Variants in ANKRD17 observed in about 807,000 individuals in gnomAD.
ANKRD17 encodes the protein ankyrin repeat domain 17, also known as ankyrin repeat domain-containing protein 17.
ANKRD17 carries 19 observed loss-of-function variants against 229.7 expected under a neutral mutation model. That is an observed-to-expected ratio of 0.08 (90% CI 0.06 to 0.12). The LOEUF is 0.12. Among genes scored for constraint, ANKRD17 ranks in the 10% least tolerant of loss-of-function variants. The probability of loss-of-function intolerance (pLI) is 1.00; values close to 1 mark genes in which losing one functional copy is unlikely to be tolerated. For synonymous variants in ANKRD17, 1,112 were observed against 1,146.1 expected, an observed-to-expected ratio of 0.97 and a Z score of 0.60; for missense variants, 2,176 against 3,176.8, an observed-to-expected ratio of 0.68 and a Z score of 7.57.
chr4:73,199,946 C>T (rs1738428207), intron 1 of ANKRD17, among the ~76,000 whole-genome samples: 1 of 152,054 alleles, frequency 6.6e-6, no homozygotes, highest in South Asian at 2.1e-4. Context: ...TTTTATCCAG[C>T]TCAAATTTCA....
chr4:73,158,152 AAAAGAAAGAAAGAAAGAAAG>A (rs71215492), intron 3 of ANKRD17, among the ~76,000 whole-genome samples: 1 of 128,708 alleles, frequency 7.8e-6, no homozygotes, highest in African/African-American at 2.9e-5. Context: ...GAAAGGAAGA[AAAAGAAAGAAAGAAAGAAAG>A]AAAGAAAGAA....
chr4:73,155,302 C>T (rs1279565476), intron 5 of ANKRD17, among the ~76,000 whole-genome samples: 1 of 152,134 alleles, frequency 6.6e-6, no homozygotes, highest in African/African-American at 2.4e-5. Flanking sequence ...CCTATCTTCC[C>T]ATTCCTCTCC....
In ANKRD17 at chr4:73,136,980, GTT is replaced by G. The variant is rs33966935; in HGVS notation, c.3086-1717_3086-1716del. 6.1e-3 allele frequency among the ~76,000 whole-genome samples: 798 copies of G among 131,184 alleles called. 9 individuals are homozygous for G. Among genetic ancestry groups the G allele is most frequent in the African/African-American group, 0.016 (538 of 34,294 alleles). 86.1% of individuals were successfully genotyped at this position (131,184 alleles called of 152,430 possible). A position where few individuals can be genotyped will look rare whatever the true frequency, so the allele number is the denominator to read the frequency against. Reference sequence around the variant, plus strand: ...TTAAAGAACCTACCAAAATTACAGAGTTTTTTTTTTTTTTTTTTTTAAGTCAA... The same window carrying G: ...TTAAAGAACCTACCAAAATTACAGAGTTTTTTTTTTTTTTTTTTAAGTCAA... On this transcript the variant is annotated intron_variant, in intron 15 of 33. Transcript: ENST00000358602.
At chr4:73,085,502 A>G in intron 29 of ANKRD17, 56 bp from the exon 30 acceptor site, 1 of 1,439,860 alleles carries the variant, frequency 6.9e-7, no homozygotes, top group Non-Finnish European at 9.7e-7. Flanking sequence ...AGAAATAGAG[A>G]TACCTTAAAA....
At chr4:73,111,550 C>T (rs776363851) in intron 24 of ANKRD17, among the ~76,000 whole-genome samples, 35 of 152,116 alleles carry the variant, frequency 2.3e-4, no homozygotes, top group Admixed American at 1.6e-3. Context: ...AAAGGGACTA[C>T]TATATGTTGA....
At chr4:73,237,853 T>C (rs1422154755) in intron 1 of ANKRD17, among the ~76,000 whole-genome samples, 2 of 152,162 alleles carry the variant, frequency 1.3e-5, no homozygotes, top group Non-Finnish European at 2.9e-5. Context: ...CTCAAGGAAT[T>C]TAAGAACATA....
intron 2 of ANKRD17, among the ~76,000 whole-genome samples, chr4:73,165,006 C>G (rs1484124765): frequency 6.6e-6 from 1 of 151,718 alleles, no homozygotes; most frequent in Non-Finnish European, 1.5e-5. Flanking sequence ...TAATTATGTT[C>G]CTCTCAGAAC....
chr4:73,098,955 A>G, intron 25 of ANKRD17: 1 of 995,250 alleles, frequency 1.0e-6, no homozygotes, highest in Non-Finnish European at 1.6e-6. Flanking sequence ...GTAGGGAGTC[A>G]GAAGGAGCCC....
At chr4:73,088,340 A>T (rs1425067693) in intron 29 of ANKRD17, among the ~76,000 whole-genome samples, 3 of 152,262 alleles carry the variant, frequency 2.0e-5, no homozygotes, top group African/African-American at 7.2e-5. Flanking sequence ...ACTCAAAATG[A>T]CCTGAATTAG....
At chr4:73,162,970 C>G (rs1732734185) in intron 2 of ANKRD17, among the ~76,000 whole-genome samples, 1 of 151,862 alleles carries the variant, frequency 6.6e-6, no homozygotes. Context: ...AGTGATCCCC[C>G]ACTTTGGCCT....
intron 28 of ANKRD17, among the ~76,000 whole-genome samples, chr4:73,093,578 T>C (rs1417568906): frequency 6.6e-6 from 1 of 152,108 alleles, no homozygotes; most frequent in African/African-American, 2.4e-5. Context: ...GGTTTCCCCA[T>C]GTTGAGGCTG....
intron 2 of ANKRD17, among the ~76,000 whole-genome samples, chr4:73,172,769 G>A (rs188255481): frequency 2.1e-3 from 324 of 152,236 alleles, no homozygotes; most frequent in African/African-American, 7.5e-3. Flanking sequence ...TTATAAGATA[G>A]TATTTGCAAG....
chr4:73,231,554 A>G (rs752684095), intron 1 of ANKRD17, among the ~76,000 whole-genome samples: 6 of 152,218 alleles, frequency 3.9e-5, no homozygotes, highest in Non-Finnish European at 8.8e-5. Flanking sequence ...AAGTACCAAA[A>G]GACTGCCTGT....
At chr4:73,215,933 G>A (rs1740971189) in intron 1 of ANKRD17, among the ~76,000 whole-genome samples, 1 of 152,142 alleles carries the variant, frequency 6.6e-6, no homozygotes, top group African/African-American at 2.4e-5. Flanking sequence ...GGGCATGGTG[G>A]CTGGCACCTG....
chr4:73,094,141 A>G lies in ANKRD17; in HGVS notation c.5265T>C (p.Thr1755=). The G allele has an allele frequency of 6.2e-7, 1 of 1,613,840 alleles. No homozygotes were observed. Among genetic ancestry groups the G allele is most frequent in the South Asian group, 1.1e-5 (1 of 91,072 alleles). Residue 1755 remains threonine, a synonymous_variant, in exon 28 of 34, where the codon ACT becomes ACC. Transcript: ENST00000358602. ...GTTTATCAATATCTATGTGTGCACCAGTAAACTCCCGAATAGCATTGATAT... is the reference window on the plus strand; with the variant it reads ...GTTTATCAATATCTATGTGTGCACCGGTAAACTCCCGAATAGCATTGATAT... ...GCNINAIREF[T]GAHIDIDKQK...
At position 73,235,558 on chromosome 4, in the gene ANKRD17, CAA is replaced by C. The variant is rs1302225033; in HGVS notation, c.393+22716_393+22717del. On this transcript the variant is annotated intron_variant, in intron 1 of 33. Coordinates refer to ENST00000358602, the MANE Select transcript of ANKRD17 (RefSeq NM_032217.5). ...ATTATGACTTAATTCAATCTTTAAA[CAA>C]TATCAGTGGGACACTGAAAAGAAAT... is the stretch of plus-strand genomic sequence containing the variant. Among the ~76,000 whole-genome samples the C allele has an allele frequency of 2.0e-5, 3 of 152,240 alleles. No individual in the cohort carries two copies. In the East Asian group the frequency reaches 5.8e-4, roughly 29 times the overall value.
chr4:73,102,408 G>A lies in ANKRD17; in HGVS notation c.4541C>T (p.Ala1514Val). ...TTTAAGCTTTTCTTTTTCTTGAGCAGCTTGGAGTTCAAAGTTCTCTTTATT... is the reference window on the plus strand; with the variant it reads ...TTTAAGCTTTTCTTTTTCTTGAGCAACTTGGAGTTCAAAGTTCTCTTTATT... ...AKNKENFELQ[A>V]AQEKEKLKVE... The change falls in exon 25 of 34, where the codon GCT (alanine) becomes GTT (valine). Residue 1514 changes from alanine (A) to valine (V), a missense_variant. Ala to Val is a moderately conservative substitution (Grantham distance 64). This residue lies in a region of ANKRD17 where 105 missense variants were observed against 118.3 expected (regional missense o/e 0.89). Coordinates refer to ENST00000358602, the MANE Select transcript of ANKRD17 (RefSeq NM_032217.5). The A allele has an allele frequency of 6.3e-7, 1 of 1,598,264 alleles. No homozygotes were observed. Among genetic ancestry groups the A allele is most frequent in the Non-Finnish European group, 8.5e-7 (1 of 1,176,458 alleles).
chr4:73,148,832 C>T lies in ANKRD17; in HGVS notation c.1548G>A (p.Val516=), dbSNP rs769342601. 1 of 1,613,662 alleles carries T rather than the reference C, an allele frequency of 6.2e-7. No homozygotes were observed. Among genetic ancestry groups the T allele is most frequent in the Admixed American group, 1.7e-5 (1 of 59,986 alleles). ...EAAREGHEEM[V]ALLLGQGANI... Reference sequence around the variant, plus strand: ...GGTTACCTTGACCAAGAAGTAATGCCACCATTTCTTCATGTCCTTCTCGAG... The same window carrying T: ...GGTTACCTTGACCAAGAAGTAATGCTACCATTTCTTCATGTCCTTCTCGAG... Residue 516 remains valine, a synonymous_variant, in exon 8 of 34, where the codon GTG becomes GTA. Coordinates refer to ENST00000358602, the MANE Select transcript of ANKRD17 (RefSeq NM_032217.5).
At chr4:73,234,741 C>T (rs1489570644) in intron 1 of ANKRD17, among the ~76,000 whole-genome samples, 1 of 152,186 alleles carries the variant, frequency 6.6e-6, no homozygotes, top group Non-Finnish European at 1.5e-5. Flanking sequence ...GATGCCCATA[C>T]TAAACTGCTG....
Sources: gnomAD v4.1 joint callset for allele counts (sites outside exome capture counted in the v4.1 genomes callset) on GRCh38, gnomAD v4.1.1 for gene constraint, gnomAD v4.1.1 regional missense constraint, MANE v1.5 for transcripts, NCBI Gene and HGNC (gene_info 2026-07-23, HGNC 2026-07-21) for gene names.